Variants in PTPRE observed in about 807,000 individuals in gnomAD.
The protein encoded by PTPRE is receptor-type tyrosine-protein phosphatase epsilon.
Under a neutral mutation model 102.0 loss-of-function variants are expected in PTPRE, and 51 were observed. The ratio of observed to expected loss-of-function variants is 0.50; its 90% CI spans 0.40 to 0.63. The LOEUF is 0.63. PTPRE is among the 30% of genes least tolerant of loss of function. The pLI is 0.00. For synonymous variants in PTPRE, 345 were observed against 348.2 expected, an observed-to-expected ratio of 0.99 and a Z score of 0.10; for missense variants, 752 against 915.1, an observed-to-expected ratio of 0.82 and a Z score of 2.30.
chr10:127,992,549 C>T (rs1852782326), intron 2 of PTPRE, among the ~76,000 whole-genome samples: 1 of 152,128 alleles, frequency 6.6e-6, no homozygotes, highest in Non-Finnish European at 1.5e-5. Context: ...GTGAAGAGGC[C>T]CCCTATTCAG....
At chr10:127,929,663 G>A (rs1847276819) in intron 1 of PTPRE, 1 of 152,218 alleles carries the variant, frequency 6.6e-6, no homozygotes, top group Admixed American at 6.5e-5. Context: ...TGTGGGTAGA[G>A]TTCAGAAGGC....
chr10:128,066,949 C>T (rs1310388978), intron 11 of PTPRE, among the ~76,000 whole-genome samples: 1 of 134,562 alleles, frequency 7.4e-6, no homozygotes, highest in Non-Finnish European at 1.8e-5. Flanking sequence ...CATGCACATA[C>T]ACCCACACAC....
chr10:128,076,391 G>A (rs1461514589), intron 17 of PTPRE, among the ~76,000 whole-genome samples: 1 of 151,922 alleles, frequency 6.6e-6, no homozygotes, highest in Non-Finnish European at 1.5e-5. Flanking sequence ...CATATGTTAA[G>A]GTTTCATATA....
intron 16 of PTPRE, among the ~76,000 whole-genome samples, chr10:128,072,997 G>A (rs139701260): frequency 5.3e-5 from 8 of 152,296 alleles, no homozygotes; most frequent in East Asian, 1.9e-4. Context: ...ACCAGAATCC[G>A]GTGGGCTCCA....
chr10:127,931,323 A>G (rs1250741054), intron 1 of PTPRE, among the ~76,000 whole-genome samples: 1 of 152,244 alleles, frequency 6.6e-6, no homozygotes, highest in Non-Finnish European at 1.5e-5. Flanking sequence ...AATTAAAAGC[A>G]TTATTCTGAT....
chr10:127,970,658 T>C (rs1589865001), intron 1 of PTPRE, among the ~76,000 whole-genome samples: 1 of 151,928 alleles, frequency 6.6e-6, no homozygotes, highest in Non-Finnish European at 1.5e-5. Context: ...CCTGTTTTAT[T>C]ATATCAAACT....
At chr10:128,067,770 A>G (rs909742979) in intron 11 of PTPRE, among the ~76,000 whole-genome samples, 1 of 152,200 alleles carries the variant, frequency 6.6e-6, no homozygotes, top group Non-Finnish European at 1.5e-5. Context: ...ACTCAGCACC[A>G]CCGGCCTGAG....
At chr10:127,963,099 G>T (rs780681294) in intron 1 of PTPRE, among the ~76,000 whole-genome samples, 1 of 152,208 alleles carries the variant, frequency 6.6e-6, no homozygotes, top group Non-Finnish European at 1.5e-5. Flanking sequence ...GCCAGACACT[G>T]AGGCAGCTCG....
At chr10:128,018,343 C>G (rs548965276) in intron 2 of PTPRE, among the ~76,000 whole-genome samples, 1 of 152,360 alleles carries the variant, frequency 6.6e-6, no homozygotes, top group Admixed American at 6.5e-5. Flanking sequence ...GCACCAGACC[C>G]CCAGGGGCTG....
chr10:127,969,738 A>G (rs946760619), intron 1 of PTPRE, among the ~76,000 whole-genome samples: 1 of 151,924 alleles, frequency 6.6e-6, no homozygotes, highest in Non-Finnish European at 1.5e-5. Context: ...GTCATATCAC[A>G]CGTAAAGGAG....
chr10:128,075,527 G>A (rs1006849416), intron 17 of PTPRE, among the ~76,000 whole-genome samples: 1 of 150,172 alleles, frequency 6.7e-6, no homozygotes, highest in Admixed American at 6.7e-5. Context: ...TCTTGTACAT[G>A]TCTTATGCTG....
At chr10:128,060,358 G>T (rs574267640) in intron 7 of PTPRE, among the ~76,000 whole-genome samples, 1 of 152,180 alleles carries the variant, frequency 6.6e-6, no homozygotes, top group African/African-American at 2.4e-5. Flanking sequence ...CAACAGGCTG[G>T]ATCTACCAGA....
At chr10:128,039,288 C>T (rs1847472979) in intron 2 of PTPRE, among the ~76,000 whole-genome samples, 1 of 152,174 alleles carries the variant, frequency 6.6e-6, no homozygotes, top group Admixed American at 6.5e-5. Flanking sequence ...GGGTTCAAAT[C>T]ACAGTTCCTC....
At chr10:128,071,876 G>A in intron 15 of PTPRE, 1 of 365,342 alleles carries the variant, frequency 2.7e-6, no homozygotes, top group Non-Finnish European at 4.9e-6. Context: ...AATATTTTTA[G>A]TGCTTGTATT....
At chr10:128,056,932 C>T (rs564537549) in intron 7 of PTPRE, among the ~76,000 whole-genome samples, 12 of 151,858 alleles carry the variant, frequency 7.9e-5, no homozygotes, top group African/African-American at 1.9e-4. Flanking sequence ...AGAGCTGGCC[C>T]GGGCCGGGTG....
intron 1 of PTPRE, among the ~76,000 whole-genome samples, chr10:127,918,978 AG>A (rs975553734): frequency 2.7e-4 from 41 of 152,204 alleles, no homozygotes; most frequent in African/African-American, 7.7e-4. Flanking sequence ...TTGGAAACCC[AG>A]GGTGCATTTA....
At position 128,082,194 on chromosome 10, in the gene PTPRE, T is replaced by C. The variant is rs1430772279; in HGVS notation, c.2029-638T>C. ...GTTAGTACTCTGATTTTTTTCTCTT[T>C]CTTTTTTTTTTTTTTTTTTTTTTTT... On this transcript the variant is annotated intron_variant, in intron 20 of 20. Coordinates refer to ENST00000254667, the MANE Select transcript of PTPRE (RefSeq NM_006504.6). Among the ~76,000 whole-genome samples, 5 of 47,102 alleles carry C rather than the reference T, an allele frequency of 1.1e-4. 1 individual carries two copies. Among genetic ancestry groups the C allele is most frequent in the Non-Finnish European group, 1.9e-4 (5 of 25,694 alleles). The allele number at this position is 47,102 out of a possible 152,430, so 30.9% of individuals were successfully genotyped here. A position where few individuals can be genotyped will look rare whatever the true frequency, so the allele number is the denominator to read the frequency against.
intron 2 of PTPRE, among the ~76,000 whole-genome samples, chr10:127,985,412 G>C (rs764072459): frequency 1.3e-5 from 2 of 152,056 alleles, no homozygotes; most frequent in Admixed American, 1.3e-4. Context: ...GTGAAACCCC[G>C]TCTCTACTAA....
intron 2 of PTPRE, among the ~76,000 whole-genome samples, chr10:127,990,301 A>ACT (rs1454536019): frequency 2.7e-5 from 4 of 150,828 alleles, no homozygotes; most frequent in African/African-American, 9.8e-5. Context: ...AATCTCAGCT[A>ACT]CTCAGGAGGC....
Sources: allele counts gnomAD v4.1 joint callset (sites outside exome capture counted in the v4.1 genomes callset), GRCh38; gene constraint gnomAD v4.1.1; transcripts MANE v1.5; gene names NCBI Gene and HGNC (gene_info 2026-07-23, HGNC 2026-07-21).